TNNT1: variants seen among roughly 807,000 people sequenced by gnomAD.
TNNT1 encodes troponin T1, slow skeletal type, also known as troponin T, slow skeletal muscle.
TNNT1 carries 53 observed loss-of-function variants against 50.6 expected under a neutral mutation model. That is an observed-to-expected ratio of 1.05 (90% CI 0.84 to 1.32). The LOEUF (loss-of-function observed/expected upper bound fraction) is 1.32, where lower values mean the gene tolerates loss of function less well. Ranked by LOEUF, TNNT1 falls within the 40% of genes most tolerant of loss-of-function variation. The pLI is 0.00. For missense variants in TNNT1, 348 were observed against 381.7 expected (o/e 0.91, Z 0.74); for synonymous variants, 142 against 138.0 (o/e 1.03, Z -0.20).
At chr19:55,148,799 C>T (rs2085627441) in intron 1 of TNNT1, among the ~76,000 whole-genome samples, 1 of 152,040 alleles carries the variant, frequency 6.6e-6, no homozygotes, top group African/African-American at 2.4e-5. Context: ...TCCTGATACC[C>T]TCAGAGTCTG....
At chr19:55,136,255 AATT>A (rs1420785960) in intron 11 of TNNT1, among the ~76,000 whole-genome samples, 1 of 151,996 alleles carries the variant, frequency 6.6e-6, no homozygotes, top group Non-Finnish European at 1.5e-5. Context: ...CTGCTGCTGT[AATT>A]ATTATTTTTT....
intron 11 of TNNT1, among the ~76,000 whole-genome samples, chr19:55,136,725 G>T (rs2085351514): frequency 6.6e-6 from 1 of 152,172 alleles, no homozygotes; most frequent in African/African-American, 2.4e-5. Context: ...GGCTATAGAT[G>T]CGAGGGACTC....
chr19:55,147,215 G>A (rs2085577242), intron 1 of TNNT1, 47 bp from the exon 2 acceptor site: 1 of 1,592,912 alleles, frequency 6.3e-7, no homozygotes, highest in East Asian at 2.3e-5. Flanking sequence ...CCCCAAGGAG[G>A]GGGCGACCTA....
At chr19:55,138,141 G>A in intron 9 of TNNT1, 67 bp from the exon 10 acceptor site, 1 of 1,611,876 alleles carries the variant, frequency 6.2e-7, no homozygotes, top group East Asian at 2.2e-5. Context: ...GCCCTGGGAT[G>A]TGGAACTGGG....
At chr19:55,145,299 A>G in intron 6 of TNNT1, 1 of 557,368 alleles carries the variant, frequency 1.8e-6, no homozygotes, top group Non-Finnish European at 3.2e-6. Context: ...TATGACCACG[A>G]TGAAGAAGAA....
chr19:55,133,680 TAA>T (rs377688637), intron 13 of TNNT1: 3,393 of 477,566 alleles, frequency 7.1e-3, no homozygotes, highest in Middle Eastern at 9.2e-3. Context: ...GCAGTCTCAA[TAA>T]AAAAAAAAAA....
chr19:55,136,766 T>A (rs776630278), intron 11 of TNNT1, among the ~76,000 whole-genome samples: 4 of 152,128 alleles, frequency 2.6e-5, no homozygotes, highest in African/African-American at 4.8e-5. Context: ...CATTCCTGGC[T>A]TGAATTTAGG....
Position 55,134,079 on chromosome 19 carries a change from T to C in TNNT1, c.737A>G (p.Gln246Arg). 6.2e-7 allele frequency: 1 copy of C among 1,613,124 alleles called. No individual in the cohort carries two copies. The change falls in exon 12 of 14, where the codon CAG (glutamine) becomes CGG (arginine). Residue 246 changes from glutamine (Q) to arginine (R), a missense_variant. Gln to Arg is a conservative substitution (Grantham distance 43). Coordinates refer to ENST00000588981, the MANE Select transcript of TNNT1 (RefSeq NM_003283.6). ...EKFDLMAKLK[Q>R]QKYEINVLYN... ...GCTGGGTCTCACCTCATATTTCTGCTGTTTCAGCTTCGCCATCAGGTCGAA... is the reference window on the plus strand; with the variant it reads ...GCTGGGTCTCACCTCATATTTCTGCCGTTTCAGCTTCGCCATCAGGTCGAA...
chr19:55,141,070 C>T (rs2085443781), intron 8 of TNNT1, 110 bp from the exon 9 acceptor site: 3 of 1,506,104 alleles, frequency 2.0e-6, no homozygotes, highest in Non-Finnish European at 2.8e-6. Context: ...GGTGAATTCG[C>T]GAAAGCCTAA....
Position 55,146,663 on chromosome 19 carries a change from C to A in TNNT1, c.73+18G>T. The stretch of plus-strand genomic sequence containing the variant: ...CCCCCACCCCCCAGCTCCAGACCTG[C>A]GGAGTCCGGGACCTCACCTTCCTCC... On this transcript the variant is annotated intron_variant, in intron 4 of 13. Coordinates refer to ENST00000588981, the MANE Select transcript of TNNT1 (RefSeq NM_003283.6). 6.8e-7 allele frequency: 1 copy of A among 1,463,506 alleles called. No homozygotes were observed. The highest frequency in any genetic ancestry group is 9.1e-7 in the Non-Finnish European group (1 of 1,095,822). 90.7% of individuals were successfully genotyped at this position (1,463,506 alleles called of 1,614,324 possible).
At chr19:55,147,204 G>A (rs968730699) in intron 1 of TNNT1, 36 bp from the exon 2 acceptor site, 1 of 1,606,844 alleles carries the variant, frequency 6.2e-7, no homozygotes, top group East Asian at 2.2e-5. Flanking sequence ...GTGGGGTGGG[G>A]CCCCAAGGAG....
Position 55,138,184 on chromosome 19 carries a change from G to T in TNNT1, c.388-110C>A. Reference sequence around the variant, plus strand: ...GATCAGCAGACCCAGTGCCGCAGAGGCTGCTGGGACATCAGAACCAGCAGA... The same window carrying T: ...GATCAGCAGACCCAGTGCCGCAGAGTCTGCTGGGACATCAGAACCAGCAGA... On this transcript the variant is annotated intron_variant, in intron 9 of 13. Coordinates refer to ENST00000588981, the MANE Select transcript of TNNT1 (RefSeq NM_003283.6). The T allele has an allele frequency of 2.5e-6, 4 of 1,581,092 alleles. 1 individual carries two copies. The highest frequency in any genetic ancestry group is 2.3e-5 in the South Asian group (2 of 88,634).
At position 55,140,947 on chromosome 19, in the gene TNNT1, G is replaced by T; in HGVS notation, c.323C>A (p.Ser108Ter). Residue 108 changes from serine (S) to a stop codon, truncating the protein, a stop_gained, in exon 9 of 14, where the codon TCA becomes TAA. Transcript: ENST00000588981. LOFTEE classifies it high-confidence loss of function. ...GAAGCGCTGTTGCTCGGCTCTCTCT[G>T]ACCGGCGCCGCTCCTGGGAAACGGA... Reference protein sequence around the residue: ...ALKERIERRRSERAEQQRFRT... With the variant: ...ALKERIERRR 1 of 1,613,908 alleles carries T rather than the reference G, an allele frequency of 6.2e-7. No homozygotes were observed. Among genetic ancestry groups the T allele is most frequent in the South Asian group, 1.1e-5 (1 of 91,068 alleles).
In TNNT1 at chr19:55,147,095, A is replaced by ACG. The variant is rs1290739139; in HGVS notation, c.32+29_32+30dup. On this transcript the variant is annotated intron_variant, in intron 2 of 13. Coordinates refer to ENST00000588981, the MANE Select transcript of TNNT1 (RefSeq NM_003283.6). ...GGTGGGAGAGCCTCTCCACCACTGC[A>ACG]CGCCCCAACCCCTCCCAGTGCAGCA... 1.9e-6 allele frequency: 3 copies of ACG among 1,613,524 alleles called. No homozygotes were observed. In the Admixed American group the frequency reaches 5.0e-5, roughly 27 times the overall value.
intron 6 of TNNT1, chr19:55,145,340 G>C (rs1266962064): frequency 4.7e-6 from 3 of 631,924 alleles, no homozygotes; most frequent in Non-Finnish European, 8.5e-6. Context: ...GGAAGGGGAA[G>C]AAGAGGAAGT....
In TNNT1 at chr19:55,137,874, G is replaced by A. The variant is rs558191230; in HGVS notation, c.501+87C>T. 6 of 1,532,156 alleles carry A rather than the reference G, an allele frequency of 3.9e-6. No homozygotes were observed. In the African/African-American group the frequency reaches 4.1e-5, roughly 10 times the overall value. The allele number at this position is 1,532,156 out of a possible 1,614,324, so 94.9% of individuals were successfully genotyped here. ...CTCAGACCCAGGAATCCAGGCCTCA[G>A]CCCCTCCTCCGTTAGGAACCAGAGG... On this transcript the variant is annotated intron_variant, in intron 10 of 13. Coordinates refer to ENST00000588981, the MANE Select transcript of TNNT1 (RefSeq NM_003283.6).
rs1022118432 is a variant in TNNT1 at position 55,145,306 on chromosome 19, A to AGAAGGG, written c.128+232_128+237dup. The stretch of plus-strand genomic sequence containing the variant: ...GTGGAGACTATGACCACGATGAAGA[A>AGAAGGG]GAAGGGGAAGGAGAAGGAGAAGGGG... On this transcript the variant is annotated intron_variant, in intron 6 of 13. Transcript: ENST00000588981. The AGAAGGG allele has an allele frequency of 2.8e-5, 16 of 566,130 alleles. No individual in the cohort carries two copies. In the Admixed American group the frequency reaches 4.7e-4, roughly 17 times the overall value. The allele number at this position is 566,130 out of a possible 1,614,324, so 35.1% of individuals were successfully genotyped here.
chr19:55,145,658 C>G, intron 5 of TNNT1, 93 bp from the exon 6 acceptor site: 1 of 1,462,586 alleles, frequency 6.8e-7, no homozygotes, highest in Non-Finnish European at 9.6e-7. Context: ...CCCCCCAAGC[C>G]TCGGCCCCCA....
At chr19:55,133,093 C>T in intron 13 of TNNT1, 133 bp from the exon 14 acceptor site, 1 of 815,250 alleles carries the variant, frequency 1.2e-6, no homozygotes, top group Non-Finnish European at 2.0e-6. Context: ...GTGAGCAAAA[C>T]AACTGTCACC....
Sources: gnomAD v4.1 joint callset for allele counts (sites outside exome capture counted in the v4.1 genomes callset) on GRCh38, gnomAD v4.1.1 for gene constraint, MANE v1.5 for transcripts, NCBI Gene and HGNC (gene_info 2026-07-23, HGNC 2026-07-21) for gene names.